Variants in ZNF343 observed in about 807,000 individuals in gnomAD.
The protein encoded by ZNF343 is zinc finger protein 343.
Under a neutral mutation model 13.8 loss-of-function variants are expected in ZNF343, and 11 were observed. The observed-to-expected ratio is 0.80, with a 90% CI of 0.50 to 1.32. ZNF343 has a LOEUF of 1.32. Ranked by LOEUF, ZNF343 falls within the 40% of genes most tolerant of loss-of-function variation. ZNF343 has a pLI of 0.00. For missense variants in ZNF343, 658 were observed against 714.2 expected, an observed-to-expected ratio of 0.92 and a Z score of 0.90; for synonymous variants, 248 against 260.0, an observed-to-expected ratio of 0.95 and a Z score of 0.44.
intron 2 of ZNF343, among the ~76,000 whole-genome samples, chr20:2,496,284 A>C (rs1230233027): frequency 4.6e-5 from 7 of 152,184 alleles, no homozygotes; most frequent in Admixed American, 4.6e-4. Flanking sequence ...GTGTCAGTAG[A>C]ACTATAAGGA....
At position 2,482,954 on chromosome 20, in the gene ZNF343, G is replaced by T; in HGVS notation, c.*207C>A. 1 of 597,444 alleles carries T rather than the reference G, an allele frequency of 1.7e-6. No individual in the cohort carries two copies. The highest frequency in any genetic ancestry group is 2.9e-6 in the Non-Finnish European group (1 of 348,478). 37.0% of individuals were successfully genotyped at this position (597,444 alleles called of 1,614,324 possible). On this transcript the variant is annotated 3_prime_UTR_variant, in exon 6 of 6. Coordinates refer to ENST00000278772, the MANE Select transcript of ZNF343 (RefSeq NM_024325.6). ...TTGTGCATGCTCAAGGCTGACTGAT[G>T]GCTACAGTTGCCCGTACTCTATACT...
At chr20:2,516,820 A>G (rs1485090656) in intron 1 of ZNF343, among the ~76,000 whole-genome samples, 1 of 152,058 alleles carries the variant, frequency 6.6e-6, no homozygotes. Flanking sequence ...GGTCAGGTTG[A>G]GGATAAAGGT....
At position 2,484,227 on chromosome 20, in the gene ZNF343, T is replaced by G. The variant is rs540871822; in HGVS notation, c.734A>C (p.Glu245Ala). The change falls in exon 6 of 6, where the codon GAG (glutamate) becomes GCG (alanine). Residue 245 changes from glutamate to alanine, a missense_variant. Glu to Ala is a moderately radical substitution (Grantham distance 107, BLOSUM62 -1). Transcript: ENST00000278772. ...TTCCAGGTTATGGTCCGGTTCATAC[T>G]CTCTACAGTTGATTGCTCCAAATCT... ...TLRFGAINCR[E>A]YEPDHNLESN... The G allele has an allele frequency of 6.2e-7, 1 of 1,614,114 alleles. No homozygotes were observed. The highest frequency in any genetic ancestry group is 1.3e-5 in the African/African-American group (1 of 74,940).
intron 1 of ZNF343, among the ~76,000 whole-genome samples, chr20:2,502,541 A>T (rs987367347): frequency 6.6e-6 from 1 of 152,160 alleles, no homozygotes; most frequent in African/African-American, 2.4e-5. Context: ...TGAAGGAAAA[A>T]ATGTTAAGGG....
At chr20:2,516,565 G>A (rs1204953521) in intron 1 of ZNF343, among the ~76,000 whole-genome samples, 3 of 152,138 alleles carry the variant, frequency 2.0e-5, no homozygotes, top group African/African-American at 7.2e-5. Context: ...TAAACTCAGA[G>A]TGAGGATGAG....
At chr20:2,499,827 T>C (rs2122669009) in intron 2 of ZNF343, among the ~76,000 whole-genome samples, 1 of 152,300 alleles carries the variant, frequency 6.6e-6, no homozygotes, top group South Asian at 2.1e-4. Flanking sequence ...TTGGCCTTGC[T>C]GAATTCCAGA....
chr20:2,490,535 T>G (rs11698164), intron 5 of ZNF343, among the ~76,000 whole-genome samples: 1 of 147,214 alleles, frequency 6.8e-6, no homozygotes, highest in Non-Finnish European at 1.5e-5. Context: ...GTCTTTTTTT[T>G]GGTTTTTGTT....
intron 1 of ZNF343, among the ~76,000 whole-genome samples, chr20:2,507,333 GA>G (rs2085679370): frequency 6.6e-6 from 1 of 151,516 alleles, no homozygotes. Flanking sequence ...ATCTGTCAGA[GA>G]AGAGAATAAT....
upstream of ZNF343, among the ~76,000 whole-genome samples, chr20:2,512,665 A>G (rs1160707794): frequency 6.6e-6 from 1 of 152,216 alleles, no homozygotes; most frequent in African/African-American, 2.4e-5. Context: ...AAATTAACTC[A>G]AAGACTATAA....
rs567838291 is a variant in ZNF343, at chr20:2,493,664, C to T, written c.119-87G>A. ...ACGCTCCCTGAGCAGCTCTTCTGAG[C>T]CTTAGGATGAAGGAAGTAGTCACTT... On this transcript the variant is annotated intron_variant, in intron 3 of 5. Coordinates refer to ENST00000278772, the MANE Select transcript of ZNF343 (RefSeq NM_024325.6). 5.4e-6 allele frequency: 6 copies of T among 1,105,294 alleles called. No individual in the cohort carries two copies. In the African/African-American group the frequency reaches 1.1e-4, roughly 20 times the overall value. The allele number at this position is 1,105,294 out of a possible 1,614,324, so 68.5% of individuals were successfully genotyped here.
Position 2,484,399 on chromosome 20 carries a change from C to T in ZNF343, c.562G>A (p.Glu188Lys). 1 of 1,614,178 alleles carries T rather than the reference C, an allele frequency of 6.2e-7. No individual in the cohort carries two copies. The highest frequency in any genetic ancestry group is 8.5e-7 in the Non-Finnish European group (1 of 1,180,036). Residue 188 changes from glutamate to lysine, a missense_variant, in exon 6 of 6, where the codon GAA becomes AAA. Glu to Lys is a moderately conservative substitution (Grantham distance 56). Coordinates refer to ENST00000278772, the MANE Select transcript of ZNF343 (RefSeq NM_024325.6). The stretch of plus-strand genomic sequence containing the variant: ...GGGCTGGGGAATGCCCTTGAGGTTT[C>T]TCTCTCCTCTGTCCTTGCAGACCAG... Reference protein sequence around the residue: ...KPWSARTEERETSRAFPSPLQ... With the variant: ...KPWSARTEERKTSRAFPSPLQ...
At chr20:2,505,029 G>A (rs917400736) in intron 1 of ZNF343, among the ~76,000 whole-genome samples, 3 of 152,168 alleles carry the variant, frequency 2.0e-5, no homozygotes, top group Admixed American at 6.5e-5. Context: ...GTTTGCAGAC[G>A]ACAAGCTTGT....
intron 2 of ZNF343, among the ~76,000 whole-genome samples, chr20:2,499,426 C>A (rs1399667988): frequency 1.1e-5 from 1 of 93,430 alleles, no homozygotes; most frequent in African/African-American, 4.0e-5. Flanking sequence ...GATCCCGCCA[C>A]TGCACTCCAG....
At chr20:2,497,970 T>C (rs1490559916) in intron 2 of ZNF343, among the ~76,000 whole-genome samples, 1 of 152,210 alleles carries the variant, frequency 6.6e-6, no homozygotes, top group Non-Finnish European at 1.5e-5. Context: ...TCCTGCTAGT[T>C]GTTAGGCACT....
intron 5 of ZNF343, among the ~76,000 whole-genome samples, chr20:2,487,721 T>C (rs2085302702): frequency 6.6e-6 from 1 of 152,356 alleles, no homozygotes; most frequent in South Asian, 2.1e-4. Flanking sequence ...TATGCATATA[T>C]AGTTTCGTTA....
rs538570732 is a variant in ZNF343 at position 2,502,078 on chromosome 20, G to A, written c.-236-1336C>T. On this transcript the variant is annotated intron_variant, in intron 1 of 5. Coordinates refer to ENST00000278772, the MANE Select transcript of ZNF343 (RefSeq NM_024325.6). Reference sequence around the variant, plus strand: ...TAAAAACCTTGAAAAAAAATTAGACGAATGCCTAACTAGAATAACCAATGC... The same window carrying A: ...TAAAAACCTTGAAAAAAAATTAGACAAATGCCTAACTAGAATAACCAATGC... Among the ~76,000 whole-genome samples the A allele has an allele frequency of 7.9e-5, 12 of 152,218 alleles. No homozygotes were observed. In the East Asian group the frequency reaches 1.5e-3, roughly 20 times the overall value.
intron 1 of ZNF343, among the ~76,000 whole-genome samples, chr20:2,520,111 A>G (rs2122763198): frequency 6.6e-6 from 1 of 152,350 alleles, no homozygotes; most frequent in Middle Eastern, 3.4e-3. Context: ...CTAATTCAAC[A>G]TAATAGAGTA....
At chr20:2,491,825 C>T (rs1170296766) in intron 5 of ZNF343, 1 of 152,010 alleles carries the variant, frequency 6.6e-6, no homozygotes, top group Non-Finnish European at 1.5e-5. Flanking sequence ...CAATTGATAA[C>T]ATTTATCAAC....
chr20:2,509,428 C>T (rs1306032799), upstream of ZNF343, among the ~76,000 whole-genome samples: 1 of 152,234 alleles, frequency 6.6e-6, no homozygotes, highest in Non-Finnish European at 1.5e-5. Flanking sequence ...AACACCAGTG[C>T]ACTCCTGTGG....
Sources: allele counts gnomAD v4.1 joint callset (sites outside exome capture counted in the v4.1 genomes callset), GRCh38; gene constraint gnomAD v4.1.1; transcripts MANE v1.5; gene names NCBI Gene and HGNC (gene_info 2026-07-23, HGNC 2026-07-21).